TWIST2: variants seen among roughly 807,000 people sequenced by gnomAD.
The protein encoded by TWIST2 is twist family bHLH transcription factor 2, also known as twist-related protein 2.
In TWIST2, 1 loss-of-function variant was observed where a neutral mutation model predicts 11.6. The ratio of observed to expected loss-of-function variants is 0.09; its 90% CI spans 0.03 to 0.41. The LOEUF (loss-of-function observed/expected upper bound fraction) is 0.41, where lower values mean the gene tolerates loss of function less well. Ranked by LOEUF, TWIST2 falls within the 10% of genes least tolerant of loss-of-function variation. TWIST2 has a pLI of 0.98. For missense variants in TWIST2, 168 were observed against 226.4 expected (o/e 0.74, Z 1.66); for synonymous variants, 87 against 96.6 (o/e 0.90, Z 0.58).
chr2:238,884,869 G>A (rs943770143), intron 1 of TWIST2, among the ~76,000 whole-genome samples: 5 of 152,300 alleles, frequency 3.3e-5, no homozygotes, highest in East Asian at 1.9e-4. Context: ...GCTGAGCTGC[G>A]CACACCCAGT....
At chr2:238,865,690 CTTT>C (rs376708742) in intron 1 of TWIST2, among the ~76,000 whole-genome samples, 1 of 147,034 alleles carries the variant, frequency 6.8e-6, no homozygotes. Context: ...TCTTTTGGAA[CTTT>C]TTTTTTTTTT....
At position 238,909,858 on chromosome 2, in the gene TWIST2, G is replaced by A. The variant is rs1693424443; in HGVS notation, c.*52G>A. On this transcript the variant is annotated 3_prime_UTR_variant, in exon 2 of 2. Transcript: ENST00000612363. ...ATCTTCCAGGCTGTCCGTCGCGTCG[G>A]CGGCGCAAGTGGAATTGGGATGCAT... The A allele has an allele frequency of 6.6e-6, 1 of 152,254 alleles. No homozygotes were observed. Among genetic ancestry groups the A allele is most frequent in the African/African-American group, 2.4e-5 (1 of 41,448 alleles). 9.4% of individuals were successfully genotyped at this position (152,254 alleles called of 1,614,324 possible). A position where few individuals can be genotyped will look rare whatever the true frequency, so the allele number is the denominator to read the frequency against.
intron 1 of TWIST2, among the ~76,000 whole-genome samples, chr2:238,852,674 T>G (rs374359306): frequency 2.6e-4 from 40 of 151,736 alleles, no homozygotes; most frequent in Admixed American, 4.6e-4. Flanking sequence ...CACACGCACA[T>G]GCACGTGCAC....
intron 1 of TWIST2, among the ~76,000 whole-genome samples, chr2:238,893,696 T>TG (rs1693174606): frequency 1.3e-5 from 2 of 152,208 alleles, no homozygotes. Context: ...ACATACAGTG[T>TG]GGGGTCCGGC....
rs554524478 is a variant in TWIST2 at position 238,863,417 on chromosome 2, G to A, written c.*35+14684G>A. Among the ~76,000 whole-genome samples, 7 of 152,292 alleles carry A rather than the reference G, an allele frequency of 4.6e-5. No individual in the cohort carries two copies. The highest frequency in any genetic ancestry group is 4.2e-4 in the South Asian group (2 of 4,814). On this transcript the variant is annotated intron_variant, in intron 1 of 1. Transcript: ENST00000612363. The surrounding 1 kb of genome is among the most constrained non-coding windows in gnomAD (Gnocchi z 4.7). Reference sequence around the variant, plus strand: ...TAGGATAATTCAGAAGGATGCACCCGGAATGTACCAGCGCGGCTCCCTGAT... The same window carrying A: ...TAGGATAATTCAGAAGGATGCACCCAGAATGTACCAGCGCGGCTCCCTGAT...
At chr2:238,865,478 A>G (rs1692514267) in intron 1 of TWIST2, among the ~76,000 whole-genome samples, 1 of 152,264 alleles carries the variant, frequency 6.6e-6, no homozygotes, top group East Asian at 1.9e-4. Flanking sequence ...GCAAGGCCTG[A>G]GGCGCTCGTG....
At chr2:238,901,627 G>A (rs936010702) in intron 1 of TWIST2, among the ~76,000 whole-genome samples, 2 of 152,160 alleles carry the variant, frequency 1.3e-5, no homozygotes, top group East Asian at 1.9e-4. Flanking sequence ...CACGCTGAGC[G>A]GTTCCATACC....
chr2:238,868,919 G>A (rs556912167), intron 1 of TWIST2, among the ~76,000 whole-genome samples: 66 of 152,322 alleles, frequency 4.3e-4, no homozygotes, highest in African/African-American at 1.2e-3. Context: ...GCATTCTCTC[G>A]CATTTTCTAG....
At chr2:238,901,571 T>A (rs1693269083) in intron 1 of TWIST2, among the ~76,000 whole-genome samples, 1 of 152,144 alleles carries the variant, frequency 6.6e-6, no homozygotes, top group Admixed American at 6.5e-5. Context: ...CCCTGGGGTA[T>A]CTCCTTGTCT....
intron 1 of TWIST2, among the ~76,000 whole-genome samples, chr2:238,876,148 G>A (rs1281660928): frequency 2.0e-5 from 3 of 152,180 alleles, no homozygotes; most frequent in African/African-American, 4.8e-5. Context: ...GGTGGAGGGC[G>A]GATGGCCACA....
chr2:238,858,383 A>G (rs1009103717), intron 1 of TWIST2, among the ~76,000 whole-genome samples: 1 of 152,218 alleles, frequency 6.6e-6, no homozygotes, highest in Admixed American at 6.5e-5. Flanking sequence ...TCTTCCCTTT[A>G]GTAAGCTTTT....
In TWIST2 at chr2:238,867,411, A is replaced by ACACACACACACT. The variant is rs751874652; in HGVS notation, c.*35+18679_*35+18680insACACACACACTC. ...CACACACACACACACACACACACAC[A>ACACACACACACT]CTCCTCAGTAAAATACCCAGTTCTC... is the stretch of plus-strand genomic sequence containing the variant. On this transcript the variant is annotated intron_variant, in intron 1 of 1. Coordinates refer to ENST00000612363, the MANE Select transcript of TWIST2 (RefSeq NM_001271893.4). This position sits in a 1 kb window ranked among gnomAD's most constrained non-coding sequence, Gnocchi z 4.8. 2.9e-3 allele frequency among the ~76,000 whole-genome samples: 424 copies of ACACACACACACT among 144,956 alleles called. 2 individuals are homozygous for ACACACACACACT. The highest frequency in any genetic ancestry group is 4.5e-3 in the Non-Finnish European group (293 of 65,668).
Position 238,855,095 on chromosome 2 carries a change from G to A in TWIST2, c.*35+6362G>A, listed in dbSNP as rs563324307. 3.0e-4 allele frequency among the ~76,000 whole-genome samples: 45 copies of A among 152,316 alleles called. 1 individual carries two copies. In the East Asian group the frequency reaches 8.1e-3, roughly 27 times the overall value. Reference sequence around the variant, plus strand: ...TAGCTCGGCGGAAGAGTGCACAGGCGCAGCGCAAGCTAGCTAGCCTGCAGG... The same window carrying A: ...TAGCTCGGCGGAAGAGTGCACAGGCACAGCGCAAGCTAGCTAGCCTGCAGG... On this transcript the variant is annotated intron_variant, in intron 1 of 1. Coordinates refer to ENST00000612363, the MANE Select transcript of TWIST2 (RefSeq NM_001271893.4).
intron 1 of TWIST2, among the ~76,000 whole-genome samples, chr2:238,890,909 C>A (rs1156732329): frequency 6.6e-6 from 1 of 152,104 alleles, no homozygotes; most frequent in Non-Finnish European, 1.5e-5. Flanking sequence ...CTGAGACACT[C>A]GACTCCTTAA....
intron 1 of TWIST2, among the ~76,000 whole-genome samples, chr2:238,889,732 G>A (rs1693099239): frequency 6.6e-6 from 1 of 152,210 alleles, no homozygotes. Context: ...ACAGGCTGGT[G>A]GCCACATTTG....
intron 1 of TWIST2, among the ~76,000 whole-genome samples, chr2:238,885,080 C>G (rs1693008918): frequency 1.3e-5 from 2 of 152,234 alleles, no homozygotes; most frequent in Non-Finnish European, 1.5e-5. Flanking sequence ...TCTGCACCTT[C>G]TCATGCCTCT....
chr2:238,904,378 G>T (rs950737190), intron 1 of TWIST2, among the ~76,000 whole-genome samples: 1 of 108,426 alleles, frequency 9.2e-6, no homozygotes, highest in East Asian at 2.7e-4. Context: ...GTTTGAGGTA[G>T]TGTGTGTGTG....
rs796294101 is a variant in TWIST2 at position 238,858,129 on chromosome 2, C to CT, written c.*35+9401dup. On this transcript the variant is annotated intron_variant, in intron 1 of 1. Coordinates refer to ENST00000612363, the MANE Select transcript of TWIST2 (RefSeq NM_001271893.4). Reference sequence around the variant, plus strand: ...GTTGAATGTTAATTACATAATTTCACTTTTTCTAACCAGAAAGAGGAAAAG... The same window carrying CT: ...GTTGAATGTTAATTACATAATTTCACTTTTTTCTAACCAGAAAGAGGAAAAG... Among the ~76,000 whole-genome samples the CT allele has an allele frequency of 1.5e-3, 225 of 152,266 alleles. 1 individual carries two copies. Among genetic ancestry groups the CT allele is most frequent in the African/African-American group, 5.2e-3 (217 of 41,550 alleles).
intron 1 of TWIST2, among the ~76,000 whole-genome samples, chr2:238,860,298 T>C (rs1180515457): frequency 6.6e-6 from 1 of 152,192 alleles, no homozygotes; most frequent in Non-Finnish European, 1.5e-5. Flanking sequence ...GTTGTGTGTT[T>C]TCCTTCGGTT....
Sources: gnomAD v4.1 joint callset for allele counts (sites outside exome capture counted in the v4.1 genomes callset) on GRCh38, gnomAD v4.1.1 for gene constraint, Gnocchi (gnomAD v3.1) non-coding constraint, MANE v1.5 for transcripts, NCBI Gene and HGNC (gene_info 2026-07-23, HGNC 2026-07-21) for gene names.